The following DCC variants were observed in gnomAD, a reference collection of about 807,000 sequenced individuals.
DCC encodes the protein DCC netrin 1 receptor, also known as netrin receptor DCC.
A neutral mutation model predicts 172.5 loss-of-function variants in DCC; 58 were observed. The ratio of observed to expected loss-of-function variants is 0.34; its 90% CI spans 0.27 to 0.42. DCC has a LOEUF of 0.42. Among genes scored for constraint, DCC ranks in the 10% least tolerant of loss-of-function variants. The pLI, the probability that DCC is intolerant of heterozygous loss-of-function variation, is 1.00. For missense variants in DCC, 1,740 were observed against 1,791.0 expected (o/e 0.97, Z 0.51); for synonymous variants, 709 against 644.5 (o/e 1.10, Z -1.52).
At position 53,014,709 on chromosome 18, in the gene DCC, G is replaced by A. The variant is rs140400970; in HGVS notation, c.986-48596G>A. 3.0e-3 allele frequency among the ~76,000 whole-genome samples: 456 copies of A among 152,114 alleles called. 1 individual carries two copies. The highest frequency in any genetic ancestry group is 4.7e-3 in the Non-Finnish European group (317 of 67,996). ...GGAAGGCACCTATGAGAAGGCTCAC[G>A]TGTTCAAGTCTGAAGAAAAAATCAT... On this transcript the variant is annotated intron_variant, in intron 5 of 28. Transcript: ENST00000442544.
chr18:52,728,827 C>T (rs2145090140), intron 1 of DCC, among the ~76,000 whole-genome samples: 1 of 152,294 alleles, frequency 6.6e-6, no homozygotes, highest in East Asian at 1.9e-4. Context: ...ATTTCATTGA[C>T]TTGTTGCATC....
intron 21 of DCC, among the ~76,000 whole-genome samples, chr18:53,426,764 A>T (rs998502058): frequency 6.6e-6 from 1 of 152,096 alleles, no homozygotes; most frequent in Non-Finnish European, 1.5e-5. Flanking sequence ...AATGCTTAGC[A>T]CTGTGAATCT....
At chr18:53,214,719 AT>A (rs2055818520) in intron 11 of DCC, among the ~76,000 whole-genome samples, 1 of 152,124 alleles carries the variant, frequency 6.6e-6, no homozygotes, top group African/African-American at 2.4e-5. Flanking sequence ...GCTTTATTTC[AT>A]TTATTTTTCA....
chr18:52,605,106 G>A (rs2034105324), intron 1 of DCC, among the ~76,000 whole-genome samples: 2 of 151,928 alleles, frequency 1.3e-5, no homozygotes. Context: ...ACATCTCTTA[G>A]ACTCATTTAT....
chr18:53,092,055 A>G (rs2043021531), intron 7 of DCC, among the ~76,000 whole-genome samples: 1 of 152,128 alleles, frequency 6.6e-6, no homozygotes, highest in Non-Finnish European at 1.5e-5. Flanking sequence ...ATTCTAGGAA[A>G]TTCAATACAG....
chr18:52,708,762 G>A (rs945370081), intron 1 of DCC, among the ~76,000 whole-genome samples: 1 of 152,052 alleles, frequency 6.6e-6, no homozygotes, highest in East Asian at 1.9e-4. Flanking sequence ...AAAAATACAA[G>A]AGAAAAAACA....
At chr18:52,804,229 A>C (rs934343366) in intron 2 of DCC, among the ~76,000 whole-genome samples, 1 of 130,294 alleles carries the variant, frequency 7.7e-6, no homozygotes, top group Non-Finnish European at 1.7e-5. Flanking sequence ...TACATTCTTC[A>C]TCTTATTTAG....
intron 2 of DCC, among the ~76,000 whole-genome samples, chr18:52,837,967 A>G (rs1834897294): frequency 6.6e-6 from 1 of 152,178 alleles, no homozygotes; most frequent in Admixed American, 6.5e-5. Context: ...ATGAATGCCC[A>G]GTGAAGGGGG....
At chr18:53,483,922 T>C (rs2045867876) in intron 25 of DCC, among the ~76,000 whole-genome samples, 1 of 151,770 alleles carries the variant, frequency 6.6e-6, no homozygotes, top group Admixed American at 6.6e-5. Context: ...GTGCTTGTTG[T>C]TGATCTAAAC....
At chr18:53,507,500 G>A (rs1448335245) in intron 27 of DCC, among the ~76,000 whole-genome samples, 1 of 152,194 alleles carries the variant, frequency 6.6e-6, no homozygotes, top group African/African-American at 2.4e-5. Flanking sequence ...TAAACATCTT[G>A]TGTGTGTTCC....
At chr18:52,624,438 C>CT (rs1395670280) in intron 1 of DCC, among the ~76,000 whole-genome samples, 1 of 152,090 alleles carries the variant, frequency 6.6e-6, no homozygotes, top group African/African-American at 2.4e-5. Context: ...GGGAAAATGT[C>CT]TTAGTATCAG....
At chr18:53,091,195 C>A (rs2043003568) in intron 7 of DCC, among the ~76,000 whole-genome samples, 1 of 151,766 alleles carries the variant, frequency 6.6e-6, no homozygotes. Context: ...GCTTTGTGTA[C>A]TTAGAACTCA....
chr18:53,480,220 G>C (rs2045815848), intron 25 of DCC, among the ~76,000 whole-genome samples: 1 of 152,068 alleles, frequency 6.6e-6, no homozygotes. Flanking sequence ...AGATTGCAGG[G>C]GTCTTAAAGT....
At chr18:52,587,644 G>A (rs888931702) in intron 1 of DCC, among the ~76,000 whole-genome samples, 6 of 152,276 alleles carry the variant, frequency 3.9e-5, no homozygotes, top group African/African-American at 2.4e-5. Context: ...TCCATGCAAA[G>A]TGCACAACCA....
chr18:53,486,745 G>A (rs2045904487), intron 25 of DCC, 52 bp from the exon 26 acceptor site: 4 of 1,612,810 alleles, frequency 2.5e-6, no homozygotes, highest in Admixed American at 3.3e-5. Flanking sequence ...TTTTTTGCTT[G>A]TTGAGTGAAT....
intron 9 of DCC, among the ~76,000 whole-genome samples, chr18:53,198,897 A>C (rs1422714326): frequency 6.6e-6 from 1 of 152,154 alleles, no homozygotes; most frequent in Non-Finnish European, 1.5e-5. Context: ...AGTTTGCCAC[A>C]AAATTATTGT....
At chr18:53,280,358 T>C (rs1448185413) in intron 12 of DCC, among the ~76,000 whole-genome samples, 1 of 152,186 alleles carries the variant, frequency 6.6e-6, no homozygotes, top group Non-Finnish European at 1.5e-5. Flanking sequence ...TTATTGTTGA[T>C]GTTGATTTTT....
chr18:53,469,431 T>C lies in DCC; in HGVS notation c.3736+1421T>C, dbSNP rs554020408. Among the ~76,000 whole-genome samples, 6 of 152,344 alleles carry C rather than the reference T, an allele frequency of 3.9e-5. 1 individual carries two copies. The South Asian group carries it at 1.2e-3, about 32-fold the overall frequency. On this transcript the variant is annotated intron_variant, in intron 25 of 28. Coordinates refer to ENST00000442544, the MANE Select transcript of DCC (RefSeq NM_005215.4). ...GTTACACTTTATAAGATGAATGTCT[T>C]ATATGTATTCTTACTTTTCAGATTT...
At chr18:53,143,967 C>T (rs1177224210) in intron 7 of DCC, among the ~76,000 whole-genome samples, 1 of 152,096 alleles carries the variant, frequency 6.6e-6, no homozygotes. Flanking sequence ...AAATAATTCT[C>T]TTTGGTGGAA....
Sources: gnomAD v4.1 joint callset for allele counts (sites outside exome capture counted in the v4.1 genomes callset) on GRCh38, gnomAD v4.1.1 for gene constraint, MANE v1.5 for transcripts, NCBI Gene and HGNC (gene_info 2026-07-23, HGNC 2026-07-21) for gene names.